Variants in MON2 observed in about 807,000 individuals in gnomAD.
MON2 encodes protein MON2 homolog.
A neutral mutation model predicts 208.6 loss-of-function variants in MON2; 84 were observed. The ratio of observed to expected loss-of-function variants is 0.40; its 90% CI spans 0.34 to 0.48. The LOEUF (loss-of-function observed/expected upper bound fraction) is 0.48. Ranked by LOEUF, MON2 falls within the 20% of genes least tolerant of loss-of-function variation. The probability of loss-of-function intolerance (pLI) is 0.59; values close to 1 mark genes in which losing one functional copy is unlikely to be tolerated. For missense variants in MON2, 1,611 were observed against 2,015.4 expected (o/e 0.80, Z 3.84); for synonymous variants, 660 against 694.0 (o/e 0.95, Z 0.77).
chr12:62,473,620 G>T (rs1592798797), intron 1 of MON2, among the ~76,000 whole-genome samples: 1 of 152,012 alleles, frequency 6.6e-6, no homozygotes, highest in Non-Finnish European at 1.5e-5. Context: ...ACCCTGGTTG[G>T]AGTGCAGTGG....
At chr12:62,532,313 T>C (rs2072692710) in intron 11 of MON2, 125 bp from the exon 12 acceptor site, 2 of 704,790 alleles carry the variant, frequency 2.8e-6, no homozygotes, top group South Asian at 4.0e-5. Flanking sequence ...AATTTGGTAA[T>C]GTCCCTTTAT....
chr12:62,556,205 T>G lies in MON2; in HGVS notation c.3409+13T>G. 6.2e-7 allele frequency: 1 copy of G among 1,610,060 alleles called. No homozygotes were observed. The highest frequency in any genetic ancestry group is 2.2e-5 in the East Asian group (1 of 44,778). On this transcript the variant is annotated intron_variant, in intron 25 of 34. Coordinates refer to ENST00000393630, the MANE Select transcript of MON2 (RefSeq NM_015026.3). ...CTGCAGCCTTTAGGTATACGTACATTTTTTTCTGATTATACAAGTAATTAA... is the reference window on the plus strand; with the variant it reads ...CTGCAGCCTTTAGGTATACGTACATGTTTTTCTGATTATACAAGTAATTAA...
intron 26 of MON2, chr12:62,564,989 T>C (rs545772573): frequency 1.3e-4 from 42 of 334,848 alleles, no homozygotes; most frequent in African/African-American, 9.0e-4. Flanking sequence ...TGTTGGCCCT[T>C]TTTCTATTCT....
In MON2 at chr12:62,566,412, G is replaced by C; in HGVS notation, c.4285G>C (p.Ala1429Pro). 6.2e-7 allele frequency: 1 copy of C among 1,613,546 alleles called. No homozygotes were observed. The highest frequency in any genetic ancestry group is 1.1e-5 in the South Asian group (1 of 91,014). ...ATACCAAAAAACAGCGTGTCACAAAGCAGTGGTGAATGAGAAAGTGCTCCA... is the reference window on the plus strand; with the variant it reads ...ATACCAAAAAACAGCGTGTCACAAACCAGTGGTGAATGAGAAAGTGCTCCA... Reference protein sequence around the residue: ...DLYQKTACHKAVVNEKVLQNI... With the variant: ...DLYQKTACHKPVVNEKVLQNI... Residue 1429 changes from alanine (A) to proline (P), a missense_variant, in exon 29 of 35, where the codon GCA becomes CCA. Physicochemically the swap from Ala to Pro is conservative, Grantham distance 27 (BLOSUM62 -1). Coordinates refer to ENST00000393630, the MANE Select transcript of MON2 (RefSeq NM_015026.3).
intron 29 of MON2, among the ~76,000 whole-genome samples, chr12:62,567,046 C>T (rs2074411087): frequency 6.6e-6 from 1 of 152,100 alleles, no homozygotes; most frequent in Non-Finnish European, 1.5e-5. Context: ...TTTTTTAAAG[C>T]CACTTTTTTA....
rs71882879 is a variant in MON2 at position 62,534,542 on chromosome 12, AATATATAT to A, written c.1634-284_1634-277del. Among the ~76,000 whole-genome samples, 131 of 22,818 alleles carry A rather than the reference AATATATAT, an allele frequency of 5.7e-3. 2 individuals are homozygous for A. The highest frequency in any genetic ancestry group is 0.053 in the Middle Eastern group (2 of 38). 15.0% of individuals were successfully genotyped at this position (22,818 alleles called of 152,430 possible). A position where few individuals can be genotyped will look rare whatever the true frequency, so the allele number is the denominator to read the frequency against. ...GCAAAAAAAAAAAAAAAAAAAAAAA[AATATATAT>A]ATATATATATATATATATTTTATAT... On this transcript the variant is annotated intron_variant, in intron 12 of 34. Coordinates refer to ENST00000393630, the MANE Select transcript of MON2 (RefSeq NM_015026.3).
chr12:62,543,925 T>C (rs2073359364), intron 20 of MON2, among the ~76,000 whole-genome samples: 1 of 152,158 alleles, frequency 6.6e-6, no homozygotes, highest in African/African-American at 2.4e-5. Context: ...ATGAGATAGC[T>C]TTCTGTGAAG....
chr12:62,572,660 T>C (rs2074637411), intron 30 of MON2, among the ~76,000 whole-genome samples: 1 of 152,118 alleles, frequency 6.6e-6, no homozygotes, highest in South Asian at 2.1e-4. Context: ...GTTGCCTAGG[T>C]GTCTTGAACT....
chr12:62,524,639 G>A lies in MON2; in HGVS notation c.1109G>A (p.Arg370Lys). ...TTCTGTGTGCAGCCTCAACTATTAA[G>A]GTAAAACCTCAGCAATAGTTTGTTA... is the stretch of plus-strand genomic sequence containing the variant. ...HRFCVQPQLL[R>K]SFCQSYDMKQ... Residue 370 changes from arginine (R) to lysine (K), a missense_variant and splice_region_variant, in exon 9 of 35, where the codon AGG (arginine) becomes AAG (lysine). By Grantham distance (26) the Arg-to-Lys change is conservative. Coordinates refer to ENST00000393630, the MANE Select transcript of MON2 (RefSeq NM_015026.3). The A allele has an allele frequency of 6.2e-7, 1 of 1,611,864 alleles. No homozygotes were observed. The highest frequency in any genetic ancestry group is 8.5e-7 in the Non-Finnish European group (1 of 1,178,810).
chr12:62,526,191 T>C, intron 11 of MON2, 89 bp downstream of exon 11: 2 of 1,225,898 alleles, frequency 1.6e-6, no homozygotes, highest in Non-Finnish European at 2.3e-6. Context: ...TTTTAAATTT[T>C]AGACCCACTA....
intron 34 of MON2, among the ~76,000 whole-genome samples, chr12:62,588,423 C>G (rs1208090325): frequency 6.6e-6 from 1 of 151,664 alleles, no homozygotes; most frequent in Non-Finnish European, 1.5e-5. Flanking sequence ...CAAGAATAAT[C>G]CATATTTCAT....
Position 62,553,935 on chromosome 12 carries a change from G to C in MON2, c.3210+761G>C, listed in dbSNP as rs567622951. 3.9e-5 allele frequency among the ~76,000 whole-genome samples: 6 copies of C among 152,226 alleles called. No homozygotes were observed. In the South Asian group the frequency reaches 1.0e-3, roughly 26 times the overall value. On this transcript the variant is annotated intron_variant, in intron 24 of 34. Coordinates refer to ENST00000393630, the MANE Select transcript of MON2 (RefSeq NM_015026.3). ...ATGGTGACTGACACCTGTAATCCCA[G>C]TACTTTAGGAGGCTGAGGCAGCAGG... is the stretch of plus-strand genomic sequence containing the variant.
At chr12:62,587,613 T>A (rs945611450) in intron 33 of MON2, among the ~76,000 whole-genome samples, 7 of 151,628 alleles carry the variant, frequency 4.6e-5, no homozygotes, top group African/African-American at 7.3e-5. Flanking sequence ...CAATGTGGCA[T>A]GCCCCTGTAG....
chr12:62,528,155 T>C (rs897356880), intron 11 of MON2, among the ~76,000 whole-genome samples: 7 of 152,170 alleles, frequency 4.6e-5, no homozygotes, highest in Admixed American at 3.9e-4. Flanking sequence ...TGGGTGTTCT[T>C]TTGTACATGG....
In MON2 at chr12:62,522,792, T is replaced by G. The variant is rs562685766; in HGVS notation, c.985-1723T>G. On this transcript the variant is annotated intron_variant, in intron 8 of 34. Transcript: ENST00000393630. ...CTCAACACTAGTTCTCTGCTCAAAC[T>G]TTCACACTTGACAAGAAGAAACAAA... is the stretch of plus-strand genomic sequence containing the variant. Among the ~76,000 whole-genome samples the G allele has an allele frequency of 2.6e-5, 4 of 152,314 alleles. No homozygotes were observed. The East Asian group carries it at 7.7e-4, about 29-fold the overall frequency.
chr12:62,539,089 T>C (rs1000878977), intron 19 of MON2, among the ~76,000 whole-genome samples: 1 of 152,180 alleles, frequency 6.6e-6, no homozygotes, highest in Non-Finnish European at 1.5e-5. Flanking sequence ...GGAACAGTTG[T>C]ATTTATTTAT....
chr12:62,586,760 T>G (rs1311774914), intron 33 of MON2, among the ~76,000 whole-genome samples: 1 of 152,126 alleles, frequency 6.6e-6, no homozygotes, highest in Non-Finnish European at 1.5e-5. Flanking sequence ...TTGTTTTGAG[T>G]GGAATATTGT....
intron 5 of MON2, 141 bp downstream of exon 5, chr12:62,499,189 C>A: frequency 2.4e-6 from 2 of 825,952 alleles, no homozygotes; most frequent in South Asian, 3.0e-5. Context: ...CAATTTGATC[C>A]CCTGAGGAAT....
chr12:62,478,046 A>G (rs930417402), intron 1 of MON2, among the ~76,000 whole-genome samples: 4 of 152,086 alleles, frequency 2.6e-5, no homozygotes, highest in Non-Finnish European at 5.9e-5. Flanking sequence ...GCATGTTTCA[A>G]TTTGTGATAC....
Sources: allele counts gnomAD v4.1 joint callset (sites outside exome capture counted in the v4.1 genomes callset), GRCh38; gene constraint gnomAD v4.1.1; transcripts MANE v1.5; gene names NCBI Gene and HGNC (gene_info 2026-07-23, HGNC 2026-07-21).